Variants in PHACTR3 observed in about 807,000 individuals in gnomAD.
PHACTR3 encodes the protein protein phosphatase 1, regulatory subunit 123.
In PHACTR3, 16 loss-of-function variants were observed where a neutral mutation model predicts 66.8. That is an observed-to-expected ratio of 0.24 (90% confidence interval 0.16 to 0.36). The LOEUF is 0.36. Among genes scored for constraint, PHACTR3 ranks in the 10% least tolerant of loss-of-function variants. The pLI is 1.00. For synonymous variants in PHACTR3, 323 were observed against 292.1 expected, an observed-to-expected ratio of 1.11 and a Z score of -1.08; for missense variants, 647 against 719.9, an observed-to-expected ratio of 0.90 and a Z score of 1.16.
At chr20:59,629,550 T>A (rs1333519512) in intron 1 of PHACTR3, among the ~76,000 whole-genome samples, 3 of 152,154 alleles carry the variant, frequency 2.0e-5, no homozygotes, top group Non-Finnish European at 4.4e-5. Flanking sequence ...GTCCCAGGAC[T>A]CTCTCTGTGG....
intron 1 of PHACTR3, among the ~76,000 whole-genome samples, chr20:59,688,302 G>A (rs2036974571): frequency 6.6e-6 from 1 of 152,192 alleles, no homozygotes; most frequent in South Asian, 2.1e-4. Flanking sequence ...TGGAAGGCAG[G>A]ATAGAGGAGT....
intron 2 of PHACTR3, among the ~76,000 whole-genome samples, chr20:59,744,905 C>T (rs558027766): frequency 6.6e-6 from 1 of 152,324 alleles, no homozygotes; most frequent in South Asian, 2.1e-4. Flanking sequence ...TCCGGCGAGG[C>T]TGCAAGGCAG....
chr20:59,635,758 T>C (rs1399721593), intron 1 of PHACTR3, among the ~76,000 whole-genome samples: 4 of 152,214 alleles, frequency 2.6e-5, no homozygotes, highest in Non-Finnish European at 5.9e-5. Flanking sequence ...AATGTCTGCA[T>C]GGGGTGTGCC....
intron 1 of PHACTR3, among the ~76,000 whole-genome samples, chr20:59,629,230 C>G (rs1471830888): frequency 2.0e-5 from 3 of 152,232 alleles, no homozygotes; most frequent in Non-Finnish European, 4.4e-5. Flanking sequence ...GTGCCCCCAC[C>G]ATGCTCCAGT....
chr20:59,778,255 C>T (rs528168243), intron 7 of PHACTR3, among the ~76,000 whole-genome samples: 24 of 152,258 alleles, frequency 1.6e-4, no homozygotes, highest in Non-Finnish European at 3.1e-4. Flanking sequence ...GATAATGTCA[C>T]CTCTTGCTCA....
chr20:59,827,107 C>T (rs1272216966), intron 8 of PHACTR3, among the ~76,000 whole-genome samples: 2 of 152,032 alleles, frequency 1.3e-5, no homozygotes, highest in East Asian at 1.9e-4. Flanking sequence ...GTCCATGTTG[C>T]TGTCTTTAGC....
At chr20:59,587,822 T>C (rs186133956) in intron 1 of PHACTR3, among the ~76,000 whole-genome samples, 48 of 152,338 alleles carry the variant, frequency 3.2e-4, no homozygotes, top group African/African-American at 1.1e-3. Context: ...GCCACTGCCT[T>C]CCCTGGCTCA....
intron 5 of PHACTR3, among the ~76,000 whole-genome samples, chr20:59,767,616 C>A (rs113760429): frequency 1.5e-4 from 23 of 152,266 alleles, no homozygotes; most frequent in African/African-American, 5.1e-4. Flanking sequence ...AGGAGTAGAT[C>A]TTACCAAGGA....
chr20:59,630,945 A>G (rs2065746601), intron 1 of PHACTR3, among the ~76,000 whole-genome samples: 1 of 152,100 alleles, frequency 6.6e-6, no homozygotes, highest in Non-Finnish European at 1.5e-5. Context: ...GGGATTTGGT[A>G]AAACGTTCAT....
chr20:59,715,305 C>T (rs1371131640), intron 1 of PHACTR3, among the ~76,000 whole-genome samples: 4 of 152,010 alleles, frequency 2.6e-5, no homozygotes, highest in African/African-American at 9.7e-5. Context: ...TCCTTTTATT[C>T]CTAATCTGCT....
At chr20:59,737,749 T>A (rs1012617756) in intron 1 of PHACTR3, among the ~76,000 whole-genome samples, 2 of 152,016 alleles carry the variant, frequency 1.3e-5, no homozygotes, top group African/African-American at 2.4e-5. Flanking sequence ...GCAGGCATCG[T>A]CTCTTTTGTT....
intron 2 of PHACTR3, among the ~76,000 whole-genome samples, chr20:59,745,176 A>C (rs1353374846): frequency 1.3e-5 from 2 of 152,222 alleles, no homozygotes; most frequent in Non-Finnish European, 2.9e-5. Flanking sequence ...AGGGAAGAGC[A>C]TGGCAGCAGT....
intron 4 of PHACTR3, among the ~76,000 whole-genome samples, chr20:59,761,427 C>T (rs1270723137): frequency 6.6e-6 from 1 of 152,100 alleles, no homozygotes; most frequent in African/African-American, 2.4e-5. Context: ...GCTGGGTGTA[C>T]GGGGGTGGAG....
At chr20:59,586,525 A>AT (rs199713814) in intron 1 of PHACTR3, among the ~76,000 whole-genome samples, 97 of 146,432 alleles carry the variant, frequency 6.6e-4, no homozygotes, top group Middle Eastern at 3.5e-3. Context: ...AATTAACTCC[A>AT]TTTTTTTTTT....
chr20:59,792,797 T>C (rs1440725605), intron 7 of PHACTR3, among the ~76,000 whole-genome samples: 2 of 152,264 alleles, frequency 1.3e-5, no homozygotes, highest in Admixed American at 1.3e-4. Context: ...TCTGTGTGTC[T>C]GTTTTTATGC....
At chr20:59,809,472 T>C (rs79370574) in intron 8 of PHACTR3, among the ~76,000 whole-genome samples, 93 of 152,340 alleles carry the variant, frequency 6.1e-4, no homozygotes, top group African/African-American at 2.2e-3. Flanking sequence ...GTTTATCAGC[T>C]TTTTGGTTTC....
intron 1 of PHACTR3, among the ~76,000 whole-genome samples, chr20:59,621,279 A>G (rs1039261173): frequency 4.6e-5 from 7 of 152,198 alleles, no homozygotes; most frequent in African/African-American, 1.7e-4. Context: ...GTGCACATAG[A>G]CTGATGTAGC....
At chr20:59,818,912 T>A (rs78850389) in intron 8 of PHACTR3, among the ~76,000 whole-genome samples, 18,614 of 152,172 alleles carry the variant, frequency 0.12, 1,668 homozygotes, top group African/African-American at 0.25. Flanking sequence ...TCAACATTTT[T>A]ATCCTCATCA....
At chr20:59,752,896 C>A (rs950839178) in intron 3 of PHACTR3, among the ~76,000 whole-genome samples, 1 of 152,156 alleles carries the variant, frequency 6.6e-6, no homozygotes, top group South Asian at 2.1e-4. Context: ...CTCTCACATT[C>A]CCTGTGTGTT....
Sources: gnomAD v4.1 joint callset for allele counts (sites outside exome capture counted in the v4.1 genomes callset) on GRCh38, gnomAD v4.1.1 for gene constraint, MANE v1.5 for transcripts, NCBI Gene and HGNC (gene_info 2026-07-23, HGNC 2026-07-21) for gene names.